The following CPNE4 variants were observed in gnomAD, a reference collection of about 807,000 sequenced individuals.
CPNE4 encodes copine 4, also known as copine-4.
In CPNE4, 25 loss-of-function variants were observed where a neutral mutation model predicts 67.9. The ratio of observed to expected loss-of-function variants is 0.37; its 90% CI spans 0.27 to 0.51. CPNE4 has a LOEUF of 0.51. CPNE4 is among the 20% of genes least tolerant of loss of function. The pLI is 0.93. For missense variants in CPNE4, 464 were observed against 690.8 expected (o/e 0.67, Z 3.68); for synonymous variants, 242 against 244.9 (o/e 0.99, Z 0.11).
At chr3:131,902,305 G>T (rs1163616988) in intron 2 of CPNE4, among the ~76,000 whole-genome samples, 2 of 151,992 alleles carry the variant, frequency 1.3e-5, no homozygotes, top group Non-Finnish European at 2.9e-5. Flanking sequence ...CAAAGTTTGT[G>T]GTAGCTGTGT....
At chr3:131,826,452 C>A (rs941212486) in intron 2 of CPNE4, among the ~76,000 whole-genome samples, 1 of 152,176 alleles carries the variant, frequency 6.6e-6, no homozygotes, top group African/African-American at 2.4e-5. Context: ...CCTGCCTCAG[C>A]CTGTCAAAAT....
chr3:131,557,819 G>A (rs370102311), intron 11 of CPNE4, among the ~76,000 whole-genome samples: 3 of 151,934 alleles, frequency 2.0e-5, no homozygotes, highest in Admixed American at 2.0e-4. Context: ...AGATCTGTGC[G>A]GGGGATTTTA....
intron 1 of CPNE4, among the ~76,000 whole-genome samples, chr3:131,998,708 G>A (rs1390076723): frequency 1.7e-5 from 1 of 59,172 alleles, no homozygotes; most frequent in Non-Finnish European, 3.4e-5. Context: ...GGGTACTGAG[G>A]ATACAGAAAT....
intron 1 of CPNE4, among the ~76,000 whole-genome samples, chr3:131,973,666 A>G (rs2072564649): frequency 6.6e-6 from 1 of 152,228 alleles, no homozygotes; most frequent in Admixed American, 6.5e-5. Context: ...TTTTCAACTC[A>G]GTATACTGAA....
intron 2 of CPNE4, among the ~76,000 whole-genome samples, chr3:131,846,121 G>A (rs566125119): frequency 6.6e-6 from 1 of 152,276 alleles, no homozygotes; most frequent in East Asian, 1.9e-4. Context: ...TAACATTTCT[G>A]TGCCTATCTC....
chr3:131,925,259 T>C (rs1266999521), intron 1 of CPNE4, among the ~76,000 whole-genome samples: 1 of 151,186 alleles, frequency 6.6e-6, no homozygotes, highest in Non-Finnish European at 1.5e-5. Context: ...CCACACAACA[T>C]ACCACATTTC....
chr3:131,770,582 G>C (rs2083141091), intron 2 of CPNE4, among the ~76,000 whole-genome samples: 1 of 152,228 alleles, frequency 6.6e-6, no homozygotes, highest in Admixed American at 6.5e-5. Context: ...CAGGAGGCCA[G>C]GGTGTTATGG....
At chr3:131,628,326 T>C (rs9784285) in intron 7 of CPNE4, among the ~76,000 whole-genome samples, 42,671 of 151,844 alleles carry the variant, frequency 0.28, 10,049 homozygotes, top group African/African-American at 0.65. Context: ...CTCAGAATCA[T>C]GGTGGGAGGT....
At chr3:131,864,222 G>T (rs1463349234) in intron 2 of CPNE4, among the ~76,000 whole-genome samples, 1 of 151,198 alleles carries the variant, frequency 6.6e-6, no homozygotes, top group Non-Finnish European at 1.5e-5. Context: ...CTTTAAAGTA[G>T]TTTTTTCCAA....
intron 7 of CPNE4, among the ~76,000 whole-genome samples, chr3:131,664,504 C>G (rs2080210045): frequency 1.3e-5 from 2 of 151,954 alleles, no homozygotes; most frequent in Admixed American, 6.6e-5. Context: ...TGTCTCAGAC[C>G]TTATGAAATG....
chr3:131,933,802 A>C (rs1365885238), intron 1 of CPNE4, among the ~76,000 whole-genome samples: 1 of 152,104 alleles, frequency 6.6e-6, no homozygotes, highest in Non-Finnish European at 1.5e-5. Flanking sequence ...AAAAAAAAAA[A>C]AACACATGTT....
intron 2 of CPNE4, among the ~76,000 whole-genome samples, chr3:131,811,169 CTTATG>C (rs1162170615): frequency 6.6e-6 from 1 of 151,896 alleles, no homozygotes; most frequent in Non-Finnish European, 1.5e-5. Context: ...GAGGGTAGAT[CTTATG>C]TTGAGTGTTC....
At position 131,959,911 on chromosome 3, in the gene CPNE4, T is replaced by C. The variant is rs79839376; in HGVS notation, c.-1-54467A>G. ...TTCTTTTTAATGACTAGCCCTATTA[T>C]TTTAAATATCATCTGAATACTAAAA... On this transcript the variant is annotated intron_variant, in intron 1 of 15. Coordinates refer to ENST00000429747, the MANE Select transcript of CPNE4 (RefSeq NM_130808.3). Among the ~76,000 whole-genome samples the C allele has an allele frequency of 8.5e-3, 1,300 of 152,352 alleles. 20 individuals carry two copies. Among genetic ancestry groups the C allele is most frequent in the African/African-American group, 0.029 (1,192 of 41,576 alleles).
intron 1 of CPNE4, among the ~76,000 whole-genome samples, chr3:131,997,915 CTT>C (rs1442910422): frequency 1.3e-5 from 2 of 152,092 alleles, no homozygotes; most frequent in Non-Finnish European, 2.9e-5. Context: ...GCTGAACTCT[CTT>C]ATAATTGCCT....
intron 1 of CPNE4, among the ~76,000 whole-genome samples, chr3:131,953,109 G>A (rs923542430): frequency 2.0e-5 from 3 of 151,842 alleles, no homozygotes; most frequent in African/African-American, 7.3e-5. Flanking sequence ...CACTGCAGAG[G>A]GCCGCAGGGT....
chr3:131,923,822 G>T (rs1455083073), intron 1 of CPNE4, among the ~76,000 whole-genome samples: 2 of 150,494 alleles, frequency 1.3e-5, no homozygotes, highest in Non-Finnish European at 2.9e-5. Context: ...TGTCAGCTAA[G>T]CCCCAGGCCC....
At chr3:131,618,500 C>T in intron 7 of CPNE4, among the ~76,000 whole-genome samples, 1 of 152,098 alleles carries the variant, frequency 6.6e-6, no homozygotes. Context: ...ATCCTTTGGG[C>T]TACTGGAAAT....
chr3:131,821,866 A>G (rs2084972491), intron 2 of CPNE4, among the ~76,000 whole-genome samples: 1 of 152,136 alleles, frequency 6.6e-6, no homozygotes, highest in Non-Finnish European at 1.5e-5. Context: ...CCTCCCATTT[A>G]TATTTGATAA....
chr3:131,886,912 C>A (rs2087915931), intron 2 of CPNE4, among the ~76,000 whole-genome samples: 2 of 152,184 alleles, frequency 1.3e-5, no homozygotes. Flanking sequence ...ACAGAAGGGA[C>A]ATGCCTTGTC....
Sources: gnomAD v4.1 joint callset for allele counts (sites outside exome capture counted in the v4.1 genomes callset) on GRCh38, gnomAD v4.1.1 for gene constraint, MANE v1.5 for transcripts, NCBI Gene and HGNC (gene_info 2026-07-23, HGNC 2026-07-21) for gene names.